Variants in FAM13A observed in about 807,000 individuals in gnomAD.
FAM13A encodes family with sequence similarity 13 member A.
FAM13A carries 76 observed loss-of-function variants against 129.6 expected under a neutral mutation model. That is an observed-to-expected ratio of 0.59 (90% CI 0.49 to 0.71). The LOEUF is 0.71. Among genes scored for constraint, FAM13A ranks in the 30% least tolerant of loss-of-function variants. The pLI, the probability that FAM13A is intolerant of heterozygous loss-of-function variation, is 0.00. For missense variants in FAM13A, 1,108 were observed against 1,249.3 expected, an observed-to-expected ratio of 0.89 and a Z score of 1.70; for synonymous variants, 443 against 449.9, an observed-to-expected ratio of 0.98 and a Z score of 0.20.
chr4:88,989,431 G>A (rs371102984), intron 4 of FAM13A, among the ~76,000 whole-genome samples: 24 of 152,096 alleles, frequency 1.6e-4, no homozygotes, highest in African/African-American at 5.3e-4. Flanking sequence ...GTGAAACCCC[G>A]TCTCTACAAA....
chr4:88,915,612 T>A (rs1435412273), intron 5 of FAM13A, among the ~76,000 whole-genome samples: 2 of 152,170 alleles, frequency 1.3e-5, no homozygotes, highest in African/African-American at 4.8e-5. Context: ...CATTTCCATG[T>A]AAAGAAACTT....
At chr4:88,781,962 C>A (rs1289183377) in intron 10 of FAM13A, among the ~76,000 whole-genome samples, 1 of 149,622 alleles carries the variant, frequency 6.7e-6, no homozygotes, top group Non-Finnish European at 1.5e-5. Context: ...GCACATTGTG[C>A]ACATGTACCC....
At chr4:89,006,736 A>G (rs1038112734) in intron 3 of FAM13A, among the ~76,000 whole-genome samples, 1 of 152,120 alleles carries the variant, frequency 6.6e-6, no homozygotes, top group Non-Finnish European at 1.5e-5. Context: ...GATTTGAAGG[A>G]TGGTGAATGC....
intron 1 of FAM13A, among the ~76,000 whole-genome samples, chr4:89,051,556 C>T (rs1443087208): frequency 6.6e-6 from 1 of 152,156 alleles, no homozygotes; most frequent in Non-Finnish European, 1.5e-5. Flanking sequence ...AAAATCTTAA[C>T]TCACTCCAGC....
At chr4:88,876,018 A>C (rs1322763822) in intron 6 of FAM13A, among the ~76,000 whole-genome samples, 1 of 152,172 alleles carries the variant, frequency 6.6e-6, no homozygotes, top group African/African-American at 2.4e-5. Context: ...GGAAACCATC[A>C]TTCTCAGCAA....
intron 4 of FAM13A, among the ~76,000 whole-genome samples, chr4:88,977,631 A>G (rs1440226631): frequency 6.6e-6 from 1 of 152,210 alleles, no homozygotes; most frequent in African/African-American, 2.4e-5. Context: ...ATCCACATAT[A>G]TTACAATCAA....
At chr4:88,806,120 T>C (rs144312194) in intron 7 of FAM13A, among the ~76,000 whole-genome samples, 1 of 152,300 alleles carries the variant, frequency 6.6e-6, no homozygotes, top group South Asian at 2.1e-4. Flanking sequence ...TTTAAAATTA[T>C]GCACTCATAA....
At chr4:88,894,126 G>C (rs1745878533) in intron 6 of FAM13A, among the ~76,000 whole-genome samples, 1 of 152,170 alleles carries the variant, frequency 6.6e-6, no homozygotes, top group Non-Finnish European at 1.5e-5. Context: ...ACAGATGTTA[G>C]CATGTAAATT....
At chr4:89,020,382 G>A in intron 3 of FAM13A, 78 bp downstream of exon 3, 1 of 1,030,148 alleles carries the variant, frequency 9.7e-7, no homozygotes, top group South Asian at 1.4e-5. Context: ...CTCCCAAAGT[G>A]TTGGGATTAT....
At chr4:88,959,701 G>A (rs1758329349) in intron 4 of FAM13A, among the ~76,000 whole-genome samples, 1 of 152,164 alleles carries the variant, frequency 6.6e-6, no homozygotes, top group Non-Finnish European at 1.5e-5. Flanking sequence ...TGGCTTAACA[G>A]TCCACATGGA....
chr4:88,991,246 A>C (rs1238913196), intron 3 of FAM13A, 96 bp from the exon 4 acceptor site: 1 of 916,568 alleles, frequency 1.1e-6, no homozygotes, highest in African/African-American at 1.7e-5. Context: ...TTTATTCAGA[A>C]AAAAACTCTT....
At chr4:88,947,462 C>T (rs549386369) in intron 4 of FAM13A, among the ~76,000 whole-genome samples, 24 of 152,232 alleles carry the variant, frequency 1.6e-4, no homozygotes, top group Middle Eastern at 6.8e-3. Flanking sequence ...TAAAGTTCCA[C>T]ATAACTAAAA....
intron 6 of FAM13A, among the ~76,000 whole-genome samples, chr4:88,887,202 T>C (rs1304481143): frequency 6.6e-6 from 1 of 152,140 alleles, no homozygotes; most frequent in East Asian, 1.9e-4. Flanking sequence ...GTTCATGTAA[T>C]AGGTGCACCA....
At chr4:89,027,232 G>A (rs1277376808) in intron 2 of FAM13A, among the ~76,000 whole-genome samples, 2 of 152,200 alleles carry the variant, frequency 1.3e-5, no homozygotes, top group Admixed American at 6.5e-5. Flanking sequence ...AATAGAGCCA[G>A]GTGCAATGGC....
chr4:88,935,503 C>T (rs920411977), intron 5 of FAM13A, among the ~76,000 whole-genome samples: 3 of 152,094 alleles, frequency 2.0e-5, no homozygotes, highest in Admixed American at 2.0e-4. Context: ...TTACTTTGCG[C>T]CCATTTCCTA....
chr4:89,033,988 C>G (rs1240462320), intron 1 of FAM13A, among the ~76,000 whole-genome samples: 1 of 152,054 alleles, frequency 6.6e-6, no homozygotes, highest in Non-Finnish European at 1.5e-5. Context: ...TGTAAGAAAC[C>G]CTAGGAAATA....
chr4:88,862,614 T>C (rs1343615361), intron 6 of FAM13A, among the ~76,000 whole-genome samples: 1 of 152,198 alleles, frequency 6.6e-6, no homozygotes, highest in East Asian at 1.9e-4. Context: ...GTTGATAAAA[T>C]ATAAGGCCCT....
In FAM13A at chr4:88,914,065, C is replaced by T. The variant is rs186495647; in HGVS notation, c.760-7603G>A. Among the ~76,000 whole-genome samples, 201 of 152,096 alleles carry T rather than the reference C, an allele frequency of 1.3e-3. 2 individuals are homozygous for T. The highest frequency in any genetic ancestry group is 4.3e-3 in the African/African-American group (179 of 41,500). ...GTCTTCCTTAAATTAGCAAATGTCA[C>T]CTAGTTGCTCAGGACAATGTCTTAG... is the stretch of plus-strand genomic sequence containing the variant. On this transcript the variant is annotated intron_variant, in intron 5 of 23. Coordinates refer to ENST00000264344, the MANE Select transcript of FAM13A (RefSeq NM_014883.4).
chr4:88,737,388 C>G (rs1453085949), intron 21 of FAM13A, 84 bp downstream of exon 21: 2 of 1,171,828 alleles, frequency 1.7e-6, no homozygotes, highest in Non-Finnish European at 2.6e-6. Context: ...CCCGATCACA[C>G]CCCCTTTCCA....
Sources: allele counts gnomAD v4.1 joint callset (sites outside exome capture counted in the v4.1 genomes callset), GRCh38; gene constraint gnomAD v4.1.1; transcripts MANE v1.5; gene names NCBI Gene and HGNC (gene_info 2026-07-23, HGNC 2026-07-21).